NOTCH1: variants seen among roughly 807,000 people sequenced by gnomAD.
The protein encoded by NOTCH1 is neurogenic locus notch homolog protein 1.
Under a neutral mutation model 254.8 loss-of-function variants are expected in NOTCH1, and 37 were observed. The observed-to-expected ratio is 0.15, with a 90% CI of 0.11 to 0.19. The LOEUF is 0.19. Among genes scored for constraint, NOTCH1 ranks in the 10% least tolerant of loss-of-function variants. NOTCH1 has a pLI of 1.00. For synonymous variants in NOTCH1, 1,731 were observed against 1,618.1 expected (o/e 1.07, Z -1.68); for missense variants, 2,972 against 3,708.6 (o/e 0.80, Z 5.16).
intron 18 of NOTCH1, among the ~76,000 whole-genome samples, chr9:136,509,431 C>T (rs1843142278): frequency 6.6e-6 from 1 of 152,202 alleles, no homozygotes; most frequent in Non-Finnish European, 1.5e-5. Flanking sequence ...AAATGAGCTT[C>T]CTGGCAAACA....
chr9:136,532,995 G>A (rs541322472), intron 2 of NOTCH1, among the ~76,000 whole-genome samples: 4 of 152,218 alleles, frequency 2.6e-5, no homozygotes, highest in Non-Finnish European at 5.9e-5. Context: ...AGCCAGGCCC[G>A]TCCACCAGAG....
intron 2 of NOTCH1, among the ~76,000 whole-genome samples, chr9:136,524,545 C>T (rs1308489646): frequency 2.0e-5 from 3 of 152,098 alleles, no homozygotes; most frequent in African/African-American, 7.2e-5. Flanking sequence ...GTAACAAAGG[C>T]CGTGGTTTTT....
At chr9:136,509,131 C>T (rs2133349213) in intron 18 of NOTCH1, 60 bp from the exon 19 acceptor site, 1 of 1,455,532 alleles carries the variant, frequency 6.9e-7, no homozygotes, top group Non-Finnish European at 9.4e-7. Context: ...CCCGCTCCAG[C>T]AGATTCTGCC....
rs138656575 is a variant in NOTCH1 at position 136,525,301 on chromosome 9, T to C, written c.141-1322A>G. Among the ~76,000 whole-genome samples the C allele has an allele frequency of 5.0e-3, 758 of 152,228 alleles. 6 individuals carry two copies. Among genetic ancestry groups the C allele is most frequent in the African/African-American group, 0.015 (632 of 41,544 alleles). The stretch of plus-strand genomic sequence containing the variant: ...CTCCACCCAGGCCTGGTCTCACCTG[T>C]TCCCTGCGGCAACAGGCGCAGAGCC... On this transcript the variant is annotated intron_variant, in intron 2 of 33. Coordinates refer to ENST00000651671, the MANE Select transcript of NOTCH1 (RefSeq NM_017617.5).
At position 136,509,059 on chromosome 9, in the gene NOTCH1, G is replaced by A. The variant is rs374100421; in HGVS notation, c.2982C>T (p.Asn994=). 141 of 1,557,426 alleles carry A rather than the reference G, an allele frequency of 9.1e-5. No homozygotes were observed. The highest frequency in any genetic ancestry group is 3.6e-4 in the Admixed American group (19 of 52,258). ...TPDCTESSCF[N]GGTCVDGINS... Reference sequence around the variant, plus strand: ...TGATGCCGTCCACGCAGGTGCCACCGTTGAAGCAGGAGCTGCAAGGGGGTG... The same window carrying A: ...TGATGCCGTCCACGCAGGTGCCACCATTGAAGCAGGAGCTGCAAGGGGGTG... The change falls in exon 19 of 34, where the codon AAC becomes AAT. Residue 994 remains asparagine (N), a synonymous_variant. Transcript: ENST00000651671.
Position 136,499,107 on chromosome 9 carries a change from C to T in NOTCH1, c.6082+5G>A, listed in dbSNP as rs1280026920. On this transcript the variant is annotated splice_donor_5th_base_variant and intron_variant, in intron 32 of 33. Transcript: ENST00000651671. The stretch of plus-strand genomic sequence containing the variant: ...GACAGAGCAGCCGTGCCCCCGTGGG[C>T]TCACCCAGGTCATCTACGGCGTTGA... 1 of 1,613,110 alleles carries T rather than the reference C, an allele frequency of 6.2e-7. No homozygotes were observed. Among genetic ancestry groups the T allele is most frequent in the Non-Finnish European group, 8.5e-7 (1 of 1,179,988 alleles).
chr9:136,500,427 C>T (rs1842977134), intron 31 of NOTCH1, 125 bp downstream of exon 31: 2 of 1,195,816 alleles, frequency 1.7e-6, no homozygotes, highest in African/African-American at 3.0e-5. Flanking sequence ...GGTGGAGGCA[C>T]CAGTTGTCCC....
At chr9:136,515,448 C>A (rs1375425162) in intron 11 of NOTCH1, 35 bp downstream of exon 11, 1 of 1,611,708 alleles carries the variant, frequency 6.2e-7, no homozygotes, top group African/African-American at 1.3e-5. Flanking sequence ...GCCCTGCCCA[C>A]TGGCCCCCCG....
At chr9:136,507,044 C>T (rs943726639) in intron 22 of NOTCH1, 71 bp from the exon 23 acceptor site, 14 of 1,566,120 alleles carry the variant, frequency 8.9e-6, no homozygotes, top group Admixed American at 1.9e-5. Flanking sequence ...GTGTCCGTCC[C>T]GGAAGACGAG....
At chr9:136,497,776 A>G (rs533766866) in intron 33 of NOTCH1, among the ~76,000 whole-genome samples, 2 of 152,152 alleles carry the variant, frequency 1.3e-5, no homozygotes, top group East Asian at 1.9e-4. Flanking sequence ...CCACCCAGAG[A>G]GGGGATCTGT....
chr9:136,499,645 C>A (rs930525875), intron 31 of NOTCH1, among the ~76,000 whole-genome samples: 3 of 151,594 alleles, frequency 2.0e-5, no homozygotes, highest in Non-Finnish European at 4.4e-5. Context: ...GTCTCAGAAC[C>A]GCCGAGCTAG....
chr9:136,513,381 A>G lies in NOTCH1; in HGVS notation c.2353+11T>C, dbSNP rs947426537. ...CGGCCCTCTGCACTGAGAAACGCGC[A>G]GCCCACTCACCGCTGAAGCCCTCCC... is the stretch of plus-strand genomic sequence containing the variant. On this transcript the variant is annotated intron_variant, in intron 14 of 33. Transcript: ENST00000651671. The surrounding 1 kb of genome is among the most constrained non-coding windows in gnomAD (Gnocchi z 4.7). The G allele has an allele frequency of 6.2e-7, 1 of 1,612,630 alleles. No individual in the cohort carries two copies. Among genetic ancestry groups the G allele is most frequent in the Non-Finnish European group, 8.5e-7 (1 of 1,180,018 alleles).
intron 26 of NOTCH1, among the ~76,000 whole-genome samples, chr9:136,503,772 C>T (rs955858614): frequency 7.9e-5 from 12 of 152,192 alleles, no homozygotes; most frequent in Non-Finnish European, 1.5e-5. Flanking sequence ...CTCTGCTCCC[C>T]AGGACTGGGT....
rs989589146 is a variant in NOTCH1 at position 136,542,266 on chromosome 9, C to A, written c.140+1758G>T. Reference sequence around the variant, plus strand: ...AATTTTCCCAGCACGGTGTTCCTCCCACCCTCCCAAAGTCCTCTGCAGGAG... The same window carrying A: ...AATTTTCCCAGCACGGTGTTCCTCCAACCCTCCCAAAGTCCTCTGCAGGAG... On this transcript the variant is annotated intron_variant, in intron 2 of 33. Coordinates refer to ENST00000651671, the MANE Select transcript of NOTCH1 (RefSeq NM_017617.5). Among the ~76,000 whole-genome samples, 6 of 152,302 alleles carry A rather than the reference C, an allele frequency of 3.9e-5. No individual in the cohort carries two copies. In the East Asian group the frequency reaches 1.2e-3, roughly 29 times the overall value.
intron 31 of NOTCH1, among the ~76,000 whole-genome samples, chr9:136,499,996 G>A (rs1456929620): frequency 1.3e-5 from 2 of 152,168 alleles, no homozygotes; most frequent in Non-Finnish European, 2.9e-5. Flanking sequence ...AGGGCCGCCT[G>A]GAGCCTGGGG....
intron 16 of NOTCH1, 62 bp from the exon 17 acceptor site, chr9:136,510,867 G>A (rs1261938281): frequency 1.3e-6 from 2 of 1,596,300 alleles, no homozygotes; most frequent in East Asian, 4.5e-5. Context: ...GCCCTTCCCA[G>A]GCTGGCCCAC....
intron 29 of NOTCH1, 30 bp downstream of exon 29, chr9:136,501,971 G>T: frequency 1.2e-6 from 2 of 1,611,462 alleles, no homozygotes; most frequent in South Asian, 1.1e-5. Flanking sequence ...GTGCCCGGGA[G>T]CCCAGGAGCC....
chr9:136,543,751 G>A, intron 2 of NOTCH1: 1 of 582,792 alleles, frequency 1.7e-6, no homozygotes, highest in Non-Finnish European at 3.1e-6. Flanking sequence ...AAGAATTGGG[G>A]TACTGGGACT....
At position 136,494,939 on chromosome 9, in the gene NOTCH1, CCT is replaced by C. The variant is rs1372740459; in HGVS notation, c.*1130_*1131del. ...CCAGCCCCTGCCCGACCGCATGCCC[CCT>C]GCCAGGGCTGCGGGGACAGGACCAA... is the stretch of plus-strand genomic sequence containing the variant. On this transcript the variant is annotated 3_prime_UTR_variant, in exon 34 of 34. Coordinates refer to ENST00000651671, the MANE Select transcript of NOTCH1 (RefSeq NM_017617.5). 2.5e-6 allele frequency: 1 copy of C among 398,716 alleles called. No individual in the cohort carries two copies. The allele number at this position is 398,716 out of a possible 1,614,324, so 24.7% of individuals were successfully genotyped here.
Sources: allele counts gnomAD v4.1 joint callset (sites outside exome capture counted in the v4.1 genomes callset), GRCh38; gene constraint gnomAD v4.1.1; non-coding constraint Gnocchi (gnomAD v3.1); transcripts MANE v1.5; gene names NCBI Gene and HGNC (gene_info 2026-07-23, HGNC 2026-07-21).